Variants in XRCC1 observed in about 807,000 individuals in gnomAD.
XRCC1 encodes X-ray repair cross complementing 1.
XRCC1 carries 52 observed loss-of-function variants against 83.3 expected under a neutral mutation model. That is an observed-to-expected ratio of 0.62 (90% CI 0.50 to 0.79). The LOEUF is 0.79. XRCC1 is among the 30% of genes least tolerant of loss of function. The pLI, the probability that XRCC1 is intolerant of heterozygous loss-of-function variation, is 0.00. For synonymous variants in XRCC1, 281 were observed against 312.6 expected (o/e 0.90, Z 1.07); for missense variants, 793 against 823.5 (o/e 0.96, Z 0.45).
chr19:43,566,783 G>A (rs1237408322), intron 2 of XRCC1, among the ~76,000 whole-genome samples: 3 of 148,048 alleles, frequency 2.0e-5, no homozygotes, highest in Non-Finnish European at 4.4e-5. Context: ...GGAGACTGAG[G>A]CACGAGAATC....
chr19:43,560,810 A>G, intron 3 of XRCC1, 100 bp downstream of exon 3: 1 of 965,356 alleles, frequency 1.0e-6, no homozygotes, highest in South Asian at 1.4e-5. Flanking sequence ...TGTGACTCAC[A>G]TCTGCCCCAT....
rs1972581398 is a variant in XRCC1, at chr19:43,552,010, A to AGCCTACATGAGGTGCGG, written c.1082+6_1082+7insCCGCACCTCATGTAGGC. The AGCCTACATGAGGTGCGG allele has an allele frequency of 6.2e-7, 1 of 1,613,040 alleles. No individual in the cohort carries two copies. The highest frequency in any genetic ancestry group is 1.3e-5 in the African/African-American group (1 of 74,876). On this transcript the variant is annotated splice_region_variant and intron_variant, in intron 9 of 16. Coordinates refer to ENST00000262887, the MANE Select transcript of XRCC1 (RefSeq NM_006297.3). Reference sequence around the variant, plus strand: ...GCAGCGGCGCAGGGAGGGGGGCGCAAGCCTACATGAGGTGCGTGCTGTCCC... The same window carrying AGCCTACATGAGGTGCGG: ...GCAGCGGCGCAGGGAGGGGGGCGCAAGCCTACATGAGGTGCGGGCCTACATGAGGTGCGTGCTGTCCC...
Position 43,545,966 on chromosome 19 carries a change from G to T in XRCC1, c.1482-9C>A, listed in dbSNP as rs1037799289. Reference sequence around the variant, plus strand: ...CCTTCTGCTCTGCCACCCTGGGGGTGCCAAGAGGAGTAGAGAGTGAGCATG... The same window carrying T: ...CCTTCTGCTCTGCCACCCTGGGGGTTCCAAGAGGAGTAGAGAGTGAGCATG... On this transcript the variant is annotated splice_polypyrimidine_tract_variant and intron_variant, in intron 13 of 16. Coordinates refer to ENST00000262887, the MANE Select transcript of XRCC1 (RefSeq NM_006297.3). The T allele has an allele frequency of 1.2e-6, 2 of 1,613,768 alleles. No individual in the cohort carries two copies. The highest frequency in any genetic ancestry group is 3.3e-5 in the Admixed American group (2 of 59,982).
In XRCC1 at chr19:43,551,554, G is replaced by C. The variant is rs2146048690; in HGVS notation, c.1199+17C>G. 1 of 1,598,784 alleles carries C rather than the reference G, an allele frequency of 6.3e-7. No individual in the cohort carries two copies. Among genetic ancestry groups the C allele is most frequent in the Non-Finnish European group, 8.6e-7 (1 of 1,166,156 alleles). Reference sequence around the variant, plus strand: ...CCAGCACAGGATAAGGAGCAGGGTTGGCGTGTGAGGCCTTACCTCTGGGAG... The same window carrying C: ...CCAGCACAGGATAAGGAGCAGGGTTCGCGTGTGAGGCCTTACCTCTGGGAG... On this transcript the variant is annotated intron_variant, in intron 10 of 16. Transcript: ENST00000262887.
chr19:43,547,629 G>C (rs374778499), intron 10 of XRCC1, among the ~76,000 whole-genome samples: 1 of 151,908 alleles, frequency 6.6e-6, no homozygotes, highest in Non-Finnish European at 1.5e-5. Context: ...TTACAGGCAT[G>C]TGCCACCACG....
At position 43,558,480 on chromosome 19, in the gene XRCC1, A is replaced by G. The variant is rs537645997; in HGVS notation, c.255+2430T>C. Among the ~76,000 whole-genome samples, 60 of 152,006 alleles carry G rather than the reference A, an allele frequency of 3.9e-4. 1 individual carries two copies. The highest frequency in any genetic ancestry group is 1.4e-3 in the African/African-American group (58 of 41,476). ...GTGAAACCCTATTTCTACAAAAAAT[A>G]TTTAAAAATTAGCCGGGCATGATGG... On this transcript the variant is annotated intron_variant, in intron 3 of 16. Transcript: ENST00000262887.
In XRCC1 at chr19:43,544,181, G is replaced by A. The variant is rs199748521; in HGVS notation, c.1675C>T (p.Arg559Trp). The change falls in exon 15 of 17, where the codon CGG becomes TGG. Residue 559 changes from arginine to tryptophan, a missense_variant. Arg to Trp is a moderately radical substitution (Grantham distance 101, BLOSUM62 -3). Coordinates refer to ENST00000262887, the MANE Select transcript of XRCC1 (RefSeq NM_006297.3). ...GTGACGTATCGGATGAGTTTCCGCC[G>A]CTCGTCCCCAGGGAACTCCCCGTAA... ...FLYGEFPGDE[R>W]RKLIRYVTAF... 200 of 1,610,466 alleles carry A rather than the reference G, an allele frequency of 1.2e-4. 1 individual carries two copies. In the South Asian group the frequency reaches 1.3e-3, roughly 11 times the overall value.
rs747346200 is a variant in XRCC1 at position 43,546,722 on chromosome 19, G to C, written c.1299C>G (p.Pro433=). ...CCTGAGTGGGCTTGGTTTTGGTCTG[G>C]GGTTGCTAAGGAGGGAGAGTGGGTG... ...DEAPKLPQKQ[P]QTKTKPTQAA... Residue 433 remains proline, a synonymous_variant, in exon 12 of 17, where the codon CCC becomes CCG. Transcript: ENST00000262887. The C allele has an allele frequency of 6.2e-7, 1 of 1,608,040 alleles. No homozygotes were observed. The highest frequency in any genetic ancestry group is 8.5e-7 in the Non-Finnish European group (1 of 1,177,786).
In XRCC1 at chr19:43,553,396, C is replaced by T. The variant is rs2146052216; in HGVS notation, c.601+5G>A. 2 of 1,614,044 alleles carry T rather than the reference C, an allele frequency of 1.2e-6. No individual in the cohort carries two copies. Among genetic ancestry groups the T allele is most frequent in the Admixed American group, 1.7e-5 (1 of 60,018 alleles). On this transcript the variant is annotated splice_donor_5th_base_variant and intron_variant, in intron 6 of 16. Coordinates refer to ENST00000262887, the MANE Select transcript of XRCC1 (RefSeq NM_006297.3). Reference sequence around the variant, plus strand: ...TCACTCAGGACCCACGTTGTCCGAGCTCACCTGGGGATGTCTTGTTGATCC... The same window carrying T: ...TCACTCAGGACCCACGTTGTCCGAGTTCACCTGGGGATGTCTTGTTGATCC...
chr19:43,552,176 C>G lies in XRCC1; in HGVS notation c.923G>C (p.Arg308Pro). 1.2e-6 allele frequency: 2 copies of G among 1,614,056 alleles called. No homozygotes were observed. The highest frequency in any genetic ancestry group is 1.7e-6 in the Non-Finnish European group (2 of 1,179,960). The change falls in exon 9 of 17, where the codon CGA becomes CCA. Residue 308 changes from arginine (R) to proline (P), a missense_variant. Arg to Pro is a moderately radical substitution (Grantham distance 103). Coordinates refer to ENST00000262887, the MANE Select transcript of XRCC1 (RefSeq NM_006297.3). Reference sequence around the variant, plus strand: ...CAGCTCCTCTGGGCCAGCTCGGGGTCGTCTGGGCTCGGTGCCTTCTCCTCG... The same window carrying G: ...CAGCTCCTCTGGGCCAGCTCGGGGTGGTCTGGGCTCGGTGCCTTCTCCTCG... ...KPRGEGTEPR[R>P]PRAGPEELGK... is the part of the protein sequence containing the mutation.
Position 43,544,197 on chromosome 19 carries a change from C to T in XRCC1, c.1659G>A (p.Glu553=), listed in dbSNP as rs1276439491. 1 of 1,611,300 alleles carries T rather than the reference C, an allele frequency of 6.2e-7. No homozygotes were observed. Among genetic ancestry groups the T allele is most frequent in the Non-Finnish European group, 8.5e-7 (1 of 1,178,854 alleles). Residue 553 remains glutamate, a synonymous_variant, in exon 15 of 17, where the codon GAG becomes GAA. Transcript: ENST00000262887. ...GTTTCCGCCGCTCGTCCCCAGGGAACTCCCCGTAAAGAAAGAAGTGCTTGC... is the reference window on the plus strand; with the variant it reads ...GTTTCCGCCGCTCGTCCCCAGGGAATTCCCCGTAAAGAAAGAAGTGCTTGC... The part of the protein sequence containing the change: ...FQGKHFFLYG[E]FPGDERRKLI...
intron 2 of XRCC1, among the ~76,000 whole-genome samples, chr19:43,561,235 A>G (rs1972696218): frequency 6.6e-6 from 1 of 152,174 alleles, no homozygotes; most frequent in African/African-American, 2.4e-5. Flanking sequence ...ATGAATGCAT[A>G]CGCGCCCACC....
intron 3 of XRCC1, among the ~76,000 whole-genome samples, chr19:43,557,861 G>A (rs1251007899): frequency 1.3e-5 from 2 of 150,284 alleles, no homozygotes; most frequent in Non-Finnish European, 1.5e-5. Flanking sequence ...TGGAAGGAAG[G>A]AAGGCTCCTG....
intron 2 of XRCC1, among the ~76,000 whole-genome samples, chr19:43,569,440 C>T (rs921210611): frequency 6.7e-6 from 1 of 148,176 alleles, no homozygotes; most frequent in African/African-American, 2.5e-5. Context: ...GGTGCCACTG[C>T]ACTCCAGCCT....
At position 43,551,999 on chromosome 19, in the gene XRCC1, AG is replaced by A. The variant is rs372112791; in HGVS notation, c.1082+17del. The A allele has an allele frequency of 4.3e-6, 7 of 1,611,770 alleles. No individual in the cohort carries two copies. Among genetic ancestry groups the A allele is most frequent in the East Asian group, 2.2e-5 (1 of 44,832 alleles). Reference sequence around the variant, plus strand: ...GGGGAGAAACTGCAGCGGCGCAGGGAGGGGGGCGCAAGCCTACATGAGGTGC... The same window carrying A: ...GGGGAGAAACTGCAGCGGCGCAGGGAGGGGGCGCAAGCCTACATGAGGTGC... On this transcript the variant is annotated intron_variant, in intron 9 of 16. Transcript: ENST00000262887.
At chr19:43,544,801 A>G (rs1972491797) in intron 14 of XRCC1, among the ~76,000 whole-genome samples, 1 of 150,762 alleles carries the variant, frequency 6.6e-6, no homozygotes, top group Admixed American at 6.6e-5. Context: ...GCACACCACC[A>G]CGCTCGGCTA....
At chr19:43,563,800 G>A (rs990650389) in intron 2 of XRCC1, among the ~76,000 whole-genome samples, 2 of 152,100 alleles carry the variant, frequency 1.3e-5, no homozygotes, top group South Asian at 2.1e-4. Flanking sequence ...CTCCCTACCC[G>A]ACTTTACTTT....
At chr19:43,561,148 G>C in intron 2 of XRCC1, 128 bp from the exon 3 acceptor site, 2 of 744,060 alleles carry the variant, frequency 2.7e-6, no homozygotes, top group East Asian at 5.1e-5. Flanking sequence ...GGCACACCAG[G>C]GTTGAATGGT....
intron 15 of XRCC1, 145 bp downstream of exon 15, chr19:43,543,999 C>T: frequency 1.2e-6 from 1 of 817,864 alleles, no homozygotes; most frequent in South Asian, 1.8e-5. Flanking sequence ...CATTCGGATT[C>T]CATGACCTGT....
Sources: allele counts gnomAD v4.1 joint callset (sites outside exome capture counted in the v4.1 genomes callset), GRCh38; gene constraint gnomAD v4.1.1; transcripts MANE v1.5; gene names NCBI Gene and HGNC (gene_info 2026-07-23, HGNC 2026-07-21).